Variants in CPXM2 observed in about 807,000 individuals in gnomAD.
The protein encoded by CPXM2 is inactive carboxypeptidase-like protein X2.
CPXM2 carries 66 observed loss-of-function variants against 86.1 expected under a neutral mutation model. The ratio of observed to expected loss-of-function variants is 0.77; its 90% CI spans 0.63 to 0.94. CPXM2 has a LOEUF of 0.94. CPXM2 is among the 40% of genes least tolerant of loss of function. The pLI is 0.00. For missense variants in CPXM2, 948 were observed against 1,026.3 expected, an observed-to-expected ratio of 0.92 and a Z score of 1.04; for synonymous variants, 388 against 400.2, an observed-to-expected ratio of 0.97 and a Z score of 0.36.
At chr10:123,911,861 T>C (rs553448941) in intron 2 of CPXM2, among the ~76,000 whole-genome samples, 2 of 152,168 alleles carry the variant, frequency 1.3e-5, no homozygotes, top group South Asian at 4.1e-4. Context: ...CAGTGGTGAA[T>C]CTGCAGCAAC....
chr10:123,784,339 C>A (rs1456934255), intron 6 of CPXM2, among the ~76,000 whole-genome samples: 3 of 152,180 alleles, frequency 2.0e-5, no homozygotes, highest in Non-Finnish European at 4.4e-5. Flanking sequence ...CCTGTTGACA[C>A]CTTGCTCTCG....
At chr10:123,820,475 C>A (rs529899930) in intron 4 of CPXM2, among the ~76,000 whole-genome samples, 1 of 152,220 alleles carries the variant, frequency 6.6e-6, no homozygotes, top group African/African-American at 2.4e-5. Flanking sequence ...GGGCTTTATG[C>A]TTGCTGGACT....
chr10:123,854,319 G>A (rs555697854), intron 3 of CPXM2, among the ~76,000 whole-genome samples: 35 of 140,692 alleles, frequency 2.5e-4, no homozygotes, highest in African/African-American at 8.7e-4. Flanking sequence ...AGAGGCAGGG[G>A]TGGCCCAAGA....
chr10:123,931,039 C>T (rs569135777), intron 2 of CPXM2, among the ~76,000 whole-genome samples: 11 of 152,298 alleles, frequency 7.2e-5, no homozygotes, highest in Middle Eastern at 3.4e-3. Flanking sequence ...AACTTGACCA[C>T]GTGTAACCAC....
chr10:123,915,847 C>T (rs1360717665), intron 2 of CPXM2, among the ~76,000 whole-genome samples: 1 of 152,126 alleles, frequency 6.6e-6, no homozygotes, highest in Admixed American at 6.5e-5. Context: ...CCTGGTTGCT[C>T]AGGAAGCTGT....
At chr10:123,871,007 A>G (rs928701616) in intron 2 of CPXM2, among the ~76,000 whole-genome samples, 7 of 152,180 alleles carry the variant, frequency 4.6e-5, no homozygotes, top group African/African-American at 9.7e-5. Context: ...CCAACAGAGG[A>G]CACTCTCAAA....
At position 123,919,613 on chromosome 10, in the gene CPXM2, A is replaced by ATTT. The variant is rs989960268; in HGVS notation, n.174+19861_174+19863dup. ...TTAAAAACTGAAACATACAAATAGA[A>ATTT]TTTTTTTGAAAGTCCCTAGAGAGGC... On this transcript the variant is annotated intron_variant and non_coding_transcript_variant, in intron 2 of 19. Coordinates refer to the CPXM2 transcript ENST00000368854. Among the ~76,000 whole-genome samples the ATTT allele has an allele frequency of 6.6e-5, 10 of 152,194 alleles. 1 individual carries two copies. Among genetic ancestry groups the ATTT allele is most frequent in the Non-Finnish European group, 1.5e-5 (1 of 68,034 alleles).
intron 8 of CPXM2, 77 bp from the exon 9 acceptor site, chr10:123,768,799 G>A: frequency 7.7e-7 from 1 of 1,291,356 alleles, no homozygotes; most frequent in South Asian, 1.3e-5. Flanking sequence ...ACATTGTGTT[G>A]GGGGGAAAGT....
chr10:123,862,598 C>T lies in CPXM2; in HGVS notation c.513+16G>A, dbSNP rs553826451. ...AACAAGGCAGTCAAAATCCTTCCAA[C>T]CACAGGGCCAGGTACCTGGATGTTG... is the stretch of plus-strand genomic sequence containing the variant. On this transcript the variant is annotated intron_variant, in intron 3 of 13. Coordinates refer to ENST00000241305, the MANE Select transcript of CPXM2 (RefSeq NM_198148.3). The T allele has an allele frequency of 6.2e-7, 1 of 1,611,520 alleles. No individual in the cohort carries two copies. The highest frequency in any genetic ancestry group is 1.1e-5 in the South Asian group (1 of 91,012).
intron 2 of CPXM2, among the ~76,000 whole-genome samples, chr10:123,863,199 A>G (rs1194023208): frequency 6.6e-6 from 1 of 152,256 alleles, no homozygotes; most frequent in Non-Finnish European, 1.5e-5. Context: ...CCCCTGGAAT[A>G]AAACACCAGT....
chr10:123,815,540 T>C (rs558107892), intron 4 of CPXM2, among the ~76,000 whole-genome samples: 1 of 152,266 alleles, frequency 6.6e-6, no homozygotes, highest in African/African-American at 2.4e-5. Context: ...AGCTTCCCCA[T>C]ACCCAGTAGT....
intron 7 of CPXM2, among the ~76,000 whole-genome samples, chr10:123,775,944 A>T (rs2134018813): frequency 6.6e-6 from 1 of 152,330 alleles, no homozygotes; most frequent in Middle Eastern, 3.4e-3. Flanking sequence ...CTTGTAAAGG[A>T]ATACATTTCT....
intron 2 of CPXM2, among the ~76,000 whole-genome samples, chr10:123,867,061 A>G (rs1303669612): frequency 6.6e-6 from 1 of 152,236 alleles, no homozygotes; most frequent in Non-Finnish European, 1.5e-5. Flanking sequence ...GGCTCAGATA[A>G]AACTACACAC....
chr10:123,772,254 TGGTTGTGGTTCTCACCTTCAC>T (rs1184116449), intron 7 of CPXM2, among the ~76,000 whole-genome samples: 4 of 151,186 alleles, frequency 2.6e-5, no homozygotes, highest in African/African-American at 9.7e-5. Context: ...ATCGCTACCC[TGGTTGTGGTTCTCACCTTCAC>T]TGTTGTGGTT....
upstream of CPXM2, among the ~76,000 whole-genome samples, chr10:123,941,697 C>T (rs755940177): frequency 1.3e-5 from 2 of 152,186 alleles, no homozygotes; most frequent in East Asian, 3.8e-4. Flanking sequence ...CCACCTGCAG[C>T]GGACGGCTGC....
At chr10:123,904,524 G>A (rs779794628) in intron 2 of CPXM2, among the ~76,000 whole-genome samples, 42 of 152,150 alleles carry the variant, frequency 2.8e-4, no homozygotes, top group African/African-American at 4.3e-4. Flanking sequence ...GGGCCTCGAC[G>A]TCAGGGGGCC....
chr10:123,755,532 C>A (rs1846185406), intron 12 of CPXM2, among the ~76,000 whole-genome samples: 1 of 152,136 alleles, frequency 6.6e-6, no homozygotes. Context: ...TGAGACGGTT[C>A]ACAGAAACAC....
At chr10:123,786,727 C>T (rs1288538315) in intron 6 of CPXM2, among the ~76,000 whole-genome samples, 6 of 152,080 alleles carry the variant, frequency 3.9e-5, no homozygotes, top group Non-Finnish European at 8.8e-5. Context: ...AGAAACCAGC[C>T]CTTTCAAAAG....
At chr10:123,849,765 G>A (rs150670639) in intron 3 of CPXM2, among the ~76,000 whole-genome samples, 1 of 152,232 alleles carries the variant, frequency 6.6e-6, no homozygotes, top group East Asian at 1.9e-4. Flanking sequence ...CTTTAGTTGA[G>A]CAGCTTCTTT....
Sources: gnomAD v4.1 joint callset for allele counts (sites outside exome capture counted in the v4.1 genomes callset) on GRCh38, gnomAD v4.1.1 for gene constraint, MANE v1.5 for transcripts, NCBI Gene and HGNC (gene_info 2026-07-23, HGNC 2026-07-21) for gene names.